The following ANK1 variants were observed in gnomAD, a reference collection of about 807,000 sequenced individuals.
ANK1 encodes ankyrin-1.
A neutral mutation model predicts 210.4 loss-of-function variants in ANK1; 51 were observed. That is an observed-to-expected ratio of 0.24 (90% CI 0.19 to 0.31). The LOEUF (loss-of-function observed/expected upper bound fraction) is 0.31, where lower values mean the gene tolerates loss of function less well. Ranked by LOEUF, ANK1 falls within the 10% of genes least tolerant of loss-of-function variation. The probability of loss-of-function intolerance (pLI) is 1.00; values close to 1 mark genes in which losing one functional copy is unlikely to be tolerated. For missense variants in ANK1, 2,051 were observed against 2,504.4 expected (o/e 0.82, Z 3.86); for synonymous variants, 967 against 1,025.9 (o/e 0.94, Z 1.10).
intron 1 of ANK1, among the ~76,000 whole-genome samples, chr8:41,821,904 GC>G (rs1252473204): frequency 2.0e-5 from 3 of 151,932 alleles, no homozygotes; most frequent in African/African-American, 7.3e-5. Flanking sequence ...AAAAATATTA[GC>G]CAGGCATGGT....
At chr8:41,680,869 C>T (rs1164062595) in intron 37 of ANK1, among the ~76,000 whole-genome samples, 1 of 152,216 alleles carries the variant, frequency 6.6e-6, no homozygotes, top group African/African-American at 2.4e-5. Flanking sequence ...ACTGGATCCC[C>T]CAGGGTGAGT....
chr8:41,766,579 C>G (rs192460749), intron 1 of ANK1, among the ~76,000 whole-genome samples: 1 of 152,206 alleles, frequency 6.6e-6, no homozygotes, highest in Non-Finnish European at 1.5e-5. Context: ...GGGAAAACCC[C>G]TGGGGTTCCC....
At position 41,670,244 on chromosome 8, in the gene ANK1, C is replaced by T. The variant is rs190455152; in HGVS notation, c.5097-1680G>A. Among the ~76,000 whole-genome samples, 674 of 152,036 alleles carry T rather than the reference C, an allele frequency of 4.4e-3. 5 individuals are homozygous for T. Among genetic ancestry groups the T allele is most frequent in the Non-Finnish European group, 7.6e-3 (517 of 67,984 alleles). On this transcript the variant is annotated intron_variant, in intron 38 of 42. Transcript: ENST00000289734. ...TTTCTGTTTCATTCAATGCTGGCAC[C>T]CAGGCACTCTTTATTGGTGCCTGGC...
At chr8:41,781,444 G>C (rs751785911) in intron 1 of ANK1, among the ~76,000 whole-genome samples, 1 of 152,204 alleles carries the variant, frequency 6.6e-6, no homozygotes, top group African/African-American at 2.4e-5. Flanking sequence ...AGCTGTGCAC[G>C]GTGCCTGCTG....
chr8:41,839,731 C>T (rs1357661002), intron 1 of ANK1, among the ~76,000 whole-genome samples: 1 of 152,092 alleles, frequency 6.6e-6, no homozygotes, highest in Non-Finnish European at 1.5e-5. Context: ...TGGCCAAAGA[C>T]AAGGAAAATC....
At position 41,698,059 on chromosome 8, in the gene ANK1, G is replaced by A; in HGVS notation, c.2621C>T (p.Ser874Leu). The change falls in exon 24 of 43, where the codon TCA becomes TTA. Residue 874 changes from serine (S) to leucine (L), a missense_variant. Coordinates refer to ENST00000289734, the MANE Select transcript of ANK1 (RefSeq NM_000037.4). ...CAMPETVVIR[S>L]EEQEQASKEY... The stretch of plus-strand genomic sequence containing the variant: ...GCTTCTCACCTGCTCCTGCTCTTCT[G>A]ACCTGATCACCACTGTCTCAGGCAT... 1 of 1,614,090 alleles carries A rather than the reference G, an allele frequency of 6.2e-7. No homozygotes were observed. Among genetic ancestry groups the A allele is most frequent in the Admixed American group, 1.7e-5 (1 of 60,020 alleles).
intron 1 of ANK1, among the ~76,000 whole-genome samples, chr8:41,880,570 A>G (rs1208341384): frequency 1.3e-5 from 2 of 152,244 alleles, no homozygotes; most frequent in Non-Finnish European, 2.9e-5. Flanking sequence ...TATGTCCTGC[A>G]ATACTGCATG....
Position 41,688,242 on chromosome 8 carries a change from C to T in ANK1, c.4184-12G>A, listed in dbSNP as rs1406990522. 1 of 1,613,688 alleles carries T rather than the reference C, an allele frequency of 6.2e-7. No individual in the cohort carries two copies. The highest frequency in any genetic ancestry group is 1.1e-5 in the South Asian group (1 of 91,064). ...CCCACTGAGAGAACCTGGGGAGAAG[C>T]ATTAGATTTCATTTAGTAGCCAGGG... is the stretch of plus-strand genomic sequence containing the variant. On this transcript the variant is annotated splice_polypyrimidine_tract_variant and intron_variant, in intron 34 of 42. Transcript: ENST00000289734.
At chr8:41,742,749 G>A (rs534408565) in intron 2 of ANK1, among the ~76,000 whole-genome samples, 2 of 152,300 alleles carry the variant, frequency 1.3e-5, no homozygotes, top group South Asian at 4.1e-4. Context: ...AGGCCCGATA[G>A]CAGTGGCAGA....
At chr8:41,664,959 C>G (rs796454423) in intron 39 of ANK1, 2 of 1,614,258 alleles carry the variant, frequency 1.2e-6, no homozygotes, top group African/African-American at 1.3e-5. Context: ...CACGTTCTGA[C>G]AGCTGACCAG....
chr8:41,681,308 A>G (rs1473421702), intron 37 of ANK1, among the ~76,000 whole-genome samples: 1 of 152,200 alleles, frequency 6.6e-6, no homozygotes, highest in Non-Finnish European at 1.5e-5. Context: ...CTCATAAGGG[A>G]AGTCTGTTTT....
chr8:41,705,623 C>A (rs900097567), intron 18 of ANK1, among the ~76,000 whole-genome samples: 1 of 152,180 alleles, frequency 6.6e-6, no homozygotes, highest in Non-Finnish European at 1.5e-5. Flanking sequence ...ACTGAAAACA[C>A]CCTCTCTGCA....
intron 12 of ANK1, 47 bp from the exon 13 acceptor site, chr8:41,717,098 CA>C: frequency 6.3e-7 from 1 of 1,596,364 alleles, no homozygotes; most frequent in Non-Finnish European, 8.6e-7. Flanking sequence ...GCCTGCTGTC[CA>C]AAACGGCACA....
chr8:41,882,318 G>T (rs578064717), intron 1 of ANK1, among the ~76,000 whole-genome samples: 1 of 152,244 alleles, frequency 6.6e-6, no homozygotes, highest in East Asian at 1.9e-4. Flanking sequence ...AGTTTCCAGG[G>T]TTCATCGCCC....
At chr8:41,823,138 C>G (rs1461533774) in intron 1 of ANK1, among the ~76,000 whole-genome samples, 1 of 152,128 alleles carries the variant, frequency 6.6e-6, no homozygotes, top group Non-Finnish European at 1.5e-5. Context: ...TAGGTGGTAT[C>G]TGTAAGAAAT....
chr8:41,896,434 G>T, exon 1 of ANK1: 1 of 1,605,652 alleles, frequency 6.2e-7, no homozygotes. Flanking sequence ...GAGGGCCTGC[G>T]CCTCGATGTC....
chr8:41,825,148 AGG>A (rs1805151249), intron 1 of ANK1, among the ~76,000 whole-genome samples: 1 of 152,228 alleles, frequency 6.6e-6, no homozygotes, highest in African/African-American at 2.4e-5. Context: ...CATTCTGCTC[AGG>A]ACCCAGAGTC....
chr8:41,765,650 T>C (rs911584438), intron 1 of ANK1, among the ~76,000 whole-genome samples: 1 of 152,126 alleles, frequency 6.6e-6, no homozygotes, highest in Non-Finnish European at 1.5e-5. Flanking sequence ...AGAAAGGGAA[T>C]GGAAGAGAAG....
chr8:41,720,673 A>C (rs1006206884), intron 9 of ANK1, among the ~76,000 whole-genome samples: 1 of 152,146 alleles, frequency 6.6e-6, no homozygotes, highest in African/African-American at 2.4e-5. Context: ...ATCAAAGCAC[A>C]GAGTTGTGCA....
Sources: gnomAD v4.1 joint callset for allele counts (sites outside exome capture counted in the v4.1 genomes callset) on GRCh38, gnomAD v4.1.1 for gene constraint, MANE v1.5 for transcripts, NCBI Gene and HGNC (gene_info 2026-07-23, HGNC 2026-07-21) for gene names.